TMEM132B: variants seen among roughly 807,000 people sequenced by gnomAD.
TMEM132B encodes the protein transmembrane protein 132B.
A neutral mutation model predicts 90.8 loss-of-function variants in TMEM132B; 18 were observed. The observed-to-expected ratio is 0.20, with a 90% CI of 0.14 to 0.29. The LOEUF is 0.29. TMEM132B is among the 10% of genes least tolerant of loss of function. The probability of loss-of-function intolerance (pLI) is 1.00; values close to 1 mark genes in which losing one functional copy is unlikely to be tolerated. For missense variants in TMEM132B, 1,096 were observed against 1,326.8 expected, an observed-to-expected ratio of 0.83 and a Z score of 2.70; for synonymous variants, 504 against 523.3, an observed-to-expected ratio of 0.96 and a Z score of 0.50.
At chr12:125,254,901 T>G (rs1388266541) in intron 1 of TMEM132B, among the ~76,000 whole-genome samples, 2 of 151,870 alleles carry the variant, frequency 1.3e-5, no homozygotes, top group East Asian at 3.9e-4. Flanking sequence ...GGCAGGCTGA[T>G]CTCAAACTCC....
At chr12:125,375,882 C>T (rs865823427) in intron 2 of TMEM132B, among the ~76,000 whole-genome samples, 3 of 152,202 alleles carry the variant, frequency 2.0e-5, no homozygotes, top group South Asian at 2.1e-4. Context: ...TCTTAGAGGC[C>T]ACCTAAAATC....
At chr12:125,369,075 G>A (rs7976594) in intron 2 of TMEM132B, among the ~76,000 whole-genome samples, 28,702 of 151,050 alleles carry the variant, frequency 0.19, 4,091 homozygotes, top group African/African-American at 0.4. Flanking sequence ...CCTGTGTCCA[G>A]GTGTTCTCAT....
At chr12:125,603,029 G>A (rs905614481) in intron 5 of TMEM132B, among the ~76,000 whole-genome samples, 32 of 152,154 alleles carry the variant, frequency 2.1e-4, no homozygotes, top group African/African-American at 7.5e-4. Flanking sequence ...TGGCCATACT[G>A]CCCAAAGTAA....
intron 1 of TMEM132B, among the ~76,000 whole-genome samples, chr12:125,197,663 C>T (rs1872955659): frequency 6.6e-6 from 1 of 152,218 alleles, no homozygotes; most frequent in African/African-American, 2.4e-5. Flanking sequence ...GCTCTCTGGT[C>T]TGGTCCTTTT....
intron 1 of TMEM132B, among the ~76,000 whole-genome samples, chr12:125,241,201 G>T (rs1387577328): frequency 2.6e-5 from 4 of 152,158 alleles, no homozygotes; most frequent in African/African-American, 9.7e-5. Flanking sequence ...ATGGTAATTT[G>T]CTTTTCCAAC....
chr12:125,566,964 C>T (rs1884674170), intron 4 of TMEM132B, among the ~76,000 whole-genome samples: 1 of 151,128 alleles, frequency 6.6e-6, no homozygotes, highest in Admixed American at 6.6e-5. Context: ...CTGCCTCAGC[C>T]TCCAGAATAG....
chr12:125,267,170 T>C (rs965323862), intron 1 of TMEM132B, among the ~76,000 whole-genome samples: 1 of 151,724 alleles, frequency 6.6e-6, no homozygotes, highest in Non-Finnish European at 1.5e-5. Flanking sequence ...CATGTAGGAG[T>C]TGCTCTGATC....
intron 2 of TMEM132B, among the ~76,000 whole-genome samples, chr12:125,367,628 G>C (rs934133491): frequency 6.6e-6 from 1 of 152,012 alleles, no homozygotes; most frequent in Non-Finnish European, 1.5e-5. Flanking sequence ...AATAATAACT[G>C]CATTATTCTC....
rs150399398 is a variant in TMEM132B at position 125,635,555 on chromosome 12, G to A, written c.1438-8521G>A. On this transcript the variant is annotated intron_variant, in intron 5 of 8. Transcript: ENST00000682704. The stretch of plus-strand genomic sequence containing the variant: ...CCAGTCTATCATTGATGGGCATTTG[G>A]GTTGGTTCCAAGTCTTTGCTATTGT... 4.1e-3 allele frequency among the ~76,000 whole-genome samples: 624 copies of A among 152,276 alleles called. 3 individuals carry two copies. Among genetic ancestry groups the A allele is most frequent in the Non-Finnish European group, 7.7e-3 (526 of 68,024 alleles).
intron 1 of TMEM132B, among the ~76,000 whole-genome samples, chr12:125,330,825 T>C (rs1018134195): frequency 6.6e-6 from 1 of 152,242 alleles, no homozygotes; most frequent in Non-Finnish European, 1.5e-5. Context: ...AAGGACTGCC[T>C]GAGGCCAGGA....
At position 125,349,312 on chromosome 12, in the gene TMEM132B, G is replaced by A. The variant is rs902541130; in HGVS notation, c.68-140G>A. On this transcript the variant is annotated intron_variant, in intron 1 of 8. Coordinates refer to ENST00000682704, the MANE Select transcript of TMEM132B (RefSeq NM_001366854.1). The surrounding 1 kb of genome is among the most constrained non-coding windows in gnomAD (Gnocchi z 4.1). ...AAGACCATACTTTATATAATTACAG[G>A]GCTTTCACTGTGATGAGACCTGGGG... 40 of 878,878 alleles carry A rather than the reference G, an allele frequency of 4.6e-5. No individual in the cohort carries two copies. The highest frequency in any genetic ancestry group is 6.7e-5 in the Non-Finnish European group (39 of 584,336). 54.4% of individuals were successfully genotyped at this position (878,878 alleles called of 1,614,324 possible).
At chr12:125,379,113 A>C (rs1312634330) in intron 2 of TMEM132B, among the ~76,000 whole-genome samples, 1 of 152,190 alleles carries the variant, frequency 6.6e-6, no homozygotes, top group African/African-American at 2.4e-5. Flanking sequence ...ATTTAATTGG[A>C]GCTTCCCTGC....
chr12:125,596,935 G>A (rs1409413974), intron 5 of TMEM132B, among the ~76,000 whole-genome samples: 1 of 152,178 alleles, frequency 6.6e-6, no homozygotes, highest in Non-Finnish European at 1.5e-5. Context: ...CCACATGTAG[G>A]GACAGTGACT....
intron 2 of TMEM132B, among the ~76,000 whole-genome samples, chr12:125,388,601 A>C (rs1327163946): frequency 6.6e-6 from 1 of 152,160 alleles, no homozygotes. Context: ...AATATGCAGC[A>C]GAAAGTGCCA....
Position 125,592,738 on chromosome 12 carries a change from A to G in TMEM132B, c.1437+8744A>G, listed in dbSNP as rs79855397. Among the ~76,000 whole-genome samples the G allele has an allele frequency of 8.9e-3, 1,353 of 152,258 alleles. 54 individuals carry two copies. The highest frequency in any genetic ancestry group is 0.058 in the Admixed American group (891 of 15,288). On this transcript the variant is annotated intron_variant, in intron 5 of 8. Transcript: ENST00000682704. Reference sequence around the variant, plus strand: ...TCCTTAAGTGGTTGTGTTTACAGAGAGGGTGAGATGGAATGTGGATGTGTG... The same window carrying G: ...TCCTTAAGTGGTTGTGTTTACAGAGGGGGTGAGATGGAATGTGGATGTGTG...
intron 1 of TMEM132B, among the ~76,000 whole-genome samples, chr12:125,211,651 A>G (rs1425522632): frequency 6.6e-6 from 1 of 152,262 alleles, no homozygotes; most frequent in Non-Finnish European, 1.5e-5. Flanking sequence ...CAGCATGCAC[A>G]TTGCGACCGC....
intron 3 of TMEM132B, among the ~76,000 whole-genome samples, chr12:125,456,007 T>C (rs1881283726): frequency 6.6e-6 from 1 of 152,210 alleles, no homozygotes; most frequent in Non-Finnish European, 1.5e-5. Flanking sequence ...TCCACTGTTA[T>C]GGCACAGAAG....
rs541419620 is a variant in TMEM132B, at chr12:125,657,667, T to C, written c.*2957T>C. The stretch of plus-strand genomic sequence containing the variant: ...TGCATTTGCCTGGATTTTCCAGGAT[T>C]TTATGGCTGATAGACCCAAATTATT... On this transcript the variant is annotated 3_prime_UTR_variant, in exon 9 of 9. Coordinates refer to ENST00000682704, the MANE Select transcript of TMEM132B (RefSeq NM_001366854.1). 1 of 152,302 alleles carries C rather than the reference T, an allele frequency of 6.6e-6. No individual in the cohort carries two copies. Among genetic ancestry groups the C allele is most frequent in the East Asian group, 1.9e-4 (1 of 5,180 alleles). The allele number at this position is 152,302 out of a possible 1,614,324, so 9.4% of individuals were successfully genotyped here.
chr12:125,298,756 C>T lies in TMEM132B; in HGVS notation c.68-50696C>T, dbSNP rs150042001. Among the ~76,000 whole-genome samples, 11 of 148,242 alleles carry T rather than the reference C, an allele frequency of 7.4e-5. No homozygotes were observed. In the East Asian group the frequency reaches 1.2e-3, roughly 17 times the overall value. ...CTTTTTTTTCTTTTTATTTTTGAGA[C>T]GGGGTCTCTCTCTGTCACCCAGGCT... On this transcript the variant is annotated intron_variant, in intron 1 of 8. Coordinates refer to ENST00000682704, the MANE Select transcript of TMEM132B (RefSeq NM_001366854.1).
Sources: gnomAD v4.1 joint callset for allele counts (sites outside exome capture counted in the v4.1 genomes callset) on GRCh38, gnomAD v4.1.1 for gene constraint, Gnocchi (gnomAD v3.1) non-coding constraint, MANE v1.5 for transcripts, NCBI Gene and HGNC (gene_info 2026-07-23, HGNC 2026-07-21) for gene names.